Variants in RARB observed in about 807,000 individuals in gnomAD.
The protein encoded by RARB is HBV-activated protein.
A neutral mutation model predicts 51.9 loss-of-function variants in RARB; 17 were observed. The ratio of observed to expected loss-of-function variants is 0.33; its 90% CI spans 0.22 to 0.49. RARB has a LOEUF of 0.49. Among genes scored for constraint, RARB ranks in the 20% least tolerant of loss-of-function variants. The pLI, the probability that RARB is intolerant of heterozygous loss-of-function variation, is 0.99. For synonymous variants in RARB, 215 were observed against 195.4 expected (o/e 1.10, Z -0.84); for missense variants, 369 against 550.8 (o/e 0.67, Z 3.30).
chr3:24,936,612 T>A (rs1695553641), intron 2 of RARB, among the ~76,000 whole-genome samples: 1 of 152,214 alleles, frequency 6.6e-6, no homozygotes, highest in African/African-American at 2.4e-5. Context: ...AGGGCATAGA[T>A]AATCCACAAA....
exon 5 of RARB, chr3:25,174,409 C>T (rs1575195914): frequency 6.7e-6 from 9 of 1,352,090 alleles, no homozygotes; most frequent in African/African-American, 1.5e-5. Context: ...TGACCACCAG[C>T]GGCCACGCAT....
intron 2 of RARB, among the ~76,000 whole-genome samples, chr3:25,481,447 T>G (rs886574273): frequency 6.6e-6 from 1 of 152,264 alleles, no homozygotes; most frequent in South Asian, 2.1e-4. Context: ...TGGCCAAATA[T>G]TTTTAAAGCT....
intron 5 of RARB, among the ~76,000 whole-genome samples, chr3:25,176,330 TTTCTTTCC>T (rs1164488718): frequency 1.2e-4 from 6 of 50,356 alleles, no homozygotes; most frequent in Admixed American, 5.1e-4. Flanking sequence ...TCTTTCTTTC[TTTCTTTCC>T]TTCCTTCCTT....
At chr3:25,300,836 A>T (rs990832889) in intron 5 of RARB, among the ~76,000 whole-genome samples, 1 of 152,080 alleles carries the variant, frequency 6.6e-6, no homozygotes, top group African/African-American at 2.4e-5. Context: ...CTAAAATAAA[A>T]TAAAAAAAAA....
chr3:24,881,508 T>C (rs543022900), intron 2 of RARB, among the ~76,000 whole-genome samples: 7 of 152,298 alleles, frequency 4.6e-5, no homozygotes, highest in South Asian at 2.1e-4. Context: ...ACTTAGTAAA[T>C]TGATTTGTTT....
At chr3:25,157,557 C>G (rs1010414614) in intron 4 of RARB, among the ~76,000 whole-genome samples, 1 of 98,004 alleles carries the variant, frequency 1.0e-5, no homozygotes, top group African/African-American at 3.4e-5. Flanking sequence ...CCACCAACAC[C>G]CAGCTAATTT....
At chr3:25,358,571 G>A (rs1705824287) in intron 5 of RARB, among the ~76,000 whole-genome samples, 1 of 152,160 alleles carries the variant, frequency 6.6e-6, no homozygotes, top group East Asian at 1.9e-4. Context: ...TTTGCAAAGG[G>A]AATCCTTCCA....
At chr3:25,484,896 G>A (rs766703537) in intron 2 of RARB, among the ~76,000 whole-genome samples, 11 of 151,880 alleles carry the variant, frequency 7.2e-5, no homozygotes, top group Non-Finnish European at 1.3e-4. Context: ...AGTACAACTG[G>A]GTTTAAAACA....
At chr3:25,237,429 T>G (rs1399040975) in intron 5 of RARB, among the ~76,000 whole-genome samples, 1 of 152,130 alleles carries the variant, frequency 6.6e-6, no homozygotes, top group African/African-American at 2.4e-5. Flanking sequence ...TGCCATATGT[T>G]ATTTTCTAAA....
intron 2 of RARB, among the ~76,000 whole-genome samples, chr3:25,040,162 G>A (rs933189293): frequency 3.9e-5 from 6 of 152,180 alleles, no homozygotes; most frequent in African/African-American, 4.8e-5. Context: ...CAACAGAGAC[G>A]AAATGAAGTG....
At chr3:25,238,927 C>T (rs1472339689) in intron 5 of RARB, among the ~76,000 whole-genome samples, 6 of 151,820 alleles carry the variant, frequency 4.0e-5, no homozygotes, top group African/African-American at 4.8e-5. Context: ...TGCAGTAAGC[C>T]GAGATCACAC....
chr3:25,377,255 T>C (rs763867049), intron 5 of RARB, among the ~76,000 whole-genome samples: 41 of 152,192 alleles, frequency 2.7e-4, no homozygotes, highest in Non-Finnish European at 2.8e-4. Context: ...GTTTTTTCTT[T>C]GCTTTTCTTG....
In RARB at chr3:24,929,329, A is replaced by G. The variant is rs114840867; in HGVS notation, c.-380+70577A>G. ...TGAAATCTCTGCGTTTGCACATTAC[A>G]CTAGCTATTCTTATGGATAAATTAT... On this transcript the variant is annotated intron_variant, in intron 2 of 11. Coordinates refer to the RARB transcript ENST00000383772. Among the ~76,000 whole-genome samples, 1,234 of 152,180 alleles carry G rather than the reference A, an allele frequency of 8.1e-3. 10 individuals are homozygous for G. The highest frequency in any genetic ancestry group is 0.017 in the Middle Eastern group (5 of 294).
intron 5 of RARB, among the ~76,000 whole-genome samples, chr3:25,198,111 A>T (rs764905863): frequency 6.6e-6 from 1 of 152,140 alleles, no homozygotes; most frequent in Non-Finnish European, 1.5e-5. Flanking sequence ...GAATCCAGGA[A>T]TAAATCCCAT....
intron 3 of RARB, among the ~76,000 whole-genome samples, chr3:25,105,439 AAG>A (rs1238390160): frequency 0.062 from 6,646 of 107,760 alleles, 319 homozygotes; most frequent in African/African-American, 0.17. Flanking sequence ...AAAAAAAAAA[AAG>A]AAGATTTGTG....
chr3:25,543,599 A>C (rs781742621), intron 3 of RARB, among the ~76,000 whole-genome samples: 8 of 150,200 alleles, frequency 5.3e-5, no homozygotes, highest in Non-Finnish European at 1.0e-4. Context: ...CCCATTGGCC[A>C]TCTGTGGCCA....
chr3:25,350,384 A>G (rs1160129405), intron 5 of RARB, among the ~76,000 whole-genome samples: 5 of 152,194 alleles, frequency 3.3e-5, no homozygotes, highest in Non-Finnish European at 7.4e-5. Context: ...AGGATGAACA[A>G]TAGTGCTTCC....
intron 5 of RARB, among the ~76,000 whole-genome samples, chr3:25,281,918 A>G (rs758285016): frequency 1.3e-5 from 2 of 152,192 alleles, no homozygotes; most frequent in African/African-American, 2.4e-5. Flanking sequence ...ATGTTGTGTT[A>G]CTAATCATAT....
At chr3:25,456,660 A>AATATATAT (rs59052323) in intron 1 of RARB, among the ~76,000 whole-genome samples, 281 of 96,102 alleles carry the variant, frequency 2.9e-3, no homozygotes, top group East Asian at 0.013. Context: ...GTGATATTTG[A>AATATATAT]ATATATATAT....
Sources: allele counts gnomAD v4.1 joint callset (sites outside exome capture counted in the v4.1 genomes callset), GRCh38; gene constraint gnomAD v4.1.1; transcripts MANE v1.5; gene names NCBI Gene and HGNC (gene_info 2026-07-23, HGNC 2026-07-21).